The following PPM1L variants were observed in gnomAD, a reference collection of about 807,000 sequenced individuals.
PPM1L encodes the protein protein phosphatase, Mg2+/Mn2+ dependent 1L.
A neutral mutation model predicts 31.4 loss-of-function variants in PPM1L; 13 were observed. The ratio of observed to expected loss-of-function variants is 0.41; its 90% CI spans 0.27 to 0.66. The LOEUF (loss-of-function observed/expected upper bound fraction) is 0.66, where lower values mean the gene tolerates loss of function less well. Among genes scored for constraint, PPM1L ranks in the 30% least tolerant of loss-of-function variants. The pLI, the probability that PPM1L is intolerant of heterozygous loss-of-function variation, is 0.29. For synonymous variants in PPM1L, 184 were observed against 175.4 expected, an observed-to-expected ratio of 1.05 and a Z score of -0.39; for missense variants, 326 against 453.7, an observed-to-expected ratio of 0.72 and a Z score of 2.56.
Position 161,058,643 on chromosome 3 carries a change from G to C in PPM1L, c.575-6760G>C, listed in dbSNP as rs553335881. Among the ~76,000 whole-genome samples the C allele has an allele frequency of 4.6e-5, 7 of 152,128 alleles. No homozygotes were observed. In the East Asian group the frequency reaches 1.2e-3, roughly 25 times the overall value. On this transcript the variant is annotated intron_variant, in intron 2 of 3. Coordinates refer to ENST00000498165, the MANE Select transcript of PPM1L (RefSeq NM_139245.4). Reference sequence around the variant, plus strand: ...GGTGGGCGTGAAGGATAAGATATTTGAGGTTTCTGAGTCCCGTTTTCCTCA... The same window carrying C: ...GGTGGGCGTGAAGGATAAGATATTTCAGGTTTCTGAGTCCCGTTTTCCTCA...
chr3:161,030,301 A>G (rs1006353205), intron 2 of PPM1L, among the ~76,000 whole-genome samples: 9 of 152,154 alleles, frequency 5.9e-5, no homozygotes, highest in African/African-American at 1.7e-4. Context: ...ATGTAAGGAC[A>G]CAGCATTCAT....
chr3:160,816,261 TTGTGTGTGTG>T lies in PPM1L; in HGVS notation c.399+59577_399+59586del, dbSNP rs71147385. Among the ~76,000 whole-genome samples the T allele has an allele frequency of 3.9e-4, 58 of 147,982 alleles. No homozygotes were observed. In the South Asian group the frequency reaches 0.01, roughly 26 times the overall value. On this transcript the variant is annotated intron_variant, in intron 1 of 3. Coordinates refer to ENST00000498165, the MANE Select transcript of PPM1L (RefSeq NM_139245.4). ...CATTTGCAATCAAGAGCAGTTTCAT[TTGTGTGTGTG>T]TGTGTGTGTGTGTGTGTGTGTGAAA...
chr3:160,903,987 G>A (rs1374914914), intron 1 of PPM1L, among the ~76,000 whole-genome samples: 1 of 151,944 alleles, frequency 6.6e-6, no homozygotes, highest in Non-Finnish European at 1.5e-5. Context: ...GCAGGACCTT[G>A]TTTCCATTTT....
At chr3:160,933,341 G>A (rs561692543) in intron 1 of PPM1L, among the ~76,000 whole-genome samples, 5 of 151,654 alleles carry the variant, frequency 3.3e-5, no homozygotes, top group Non-Finnish European at 5.9e-5. Flanking sequence ...AAAAGTTTTT[G>A]AACTGTTCAC....
intron 1 of PPM1L, among the ~76,000 whole-genome samples, chr3:160,931,445 C>T (rs1346464608): frequency 6.6e-6 from 1 of 152,166 alleles, no homozygotes; most frequent in Non-Finnish European, 1.5e-5. Flanking sequence ...ACTATTTTTC[C>T]AAGGCACTAT....
Position 160,830,399 on chromosome 3 carries a change from A to G in PPM1L, c.399+73692A>G, listed in dbSNP as rs1227115914. Among the ~76,000 whole-genome samples, 9 of 152,312 alleles carry G rather than the reference A, an allele frequency of 5.9e-5. No individual in the cohort carries two copies. The East Asian group carries it at 1.7e-3, about 29-fold the overall frequency. ...AAATGTATTAGTAGCAGTGACAACT[A>G]GCATGCATCCTAGTGGAGTCATTTG... On this transcript the variant is annotated intron_variant, in intron 1 of 3. Coordinates refer to ENST00000498165, the MANE Select transcript of PPM1L (RefSeq NM_139245.4).
chr3:160,813,588 C>G (rs1001880705), intron 1 of PPM1L, among the ~76,000 whole-genome samples: 1 of 152,136 alleles, frequency 6.6e-6, no homozygotes, highest in Non-Finnish European at 1.5e-5. Context: ...GATCCACCTG[C>G]CTCAGCCACC....
At chr3:160,791,933 A>T (rs903154708) in intron 1 of PPM1L, among the ~76,000 whole-genome samples, 1 of 152,184 alleles carries the variant, frequency 6.6e-6, no homozygotes, top group Non-Finnish European at 1.5e-5. Flanking sequence ...TTTAGCCAAC[A>T]ACCAGATCTT....
chr3:161,005,353 A>G (rs1412327865), intron 2 of PPM1L, among the ~76,000 whole-genome samples: 3 of 152,234 alleles, frequency 2.0e-5, no homozygotes, highest in African/African-American at 4.8e-5. Flanking sequence ...TGAGTTATGT[A>G]TGAAGCCTAC....
chr3:160,759,429 T>C (rs913801025), intron 1 of PPM1L, among the ~76,000 whole-genome samples: 1 of 152,186 alleles, frequency 6.6e-6, no homozygotes, highest in Non-Finnish European at 1.5e-5. Context: ...CCTTTTTTTT[T>C]CTTTTAAGCT....
intron 1 of PPM1L, among the ~76,000 whole-genome samples, chr3:160,782,212 A>G (rs1168367606): frequency 2.0e-5 from 3 of 151,872 alleles, no homozygotes; most frequent in East Asian, 1.9e-4. Flanking sequence ...TCTCTATTAC[A>G]TAGGAGCCTG....
At chr3:160,989,825 G>A (rs1338765739) in intron 2 of PPM1L, among the ~76,000 whole-genome samples, 2 of 150,832 alleles carry the variant, frequency 1.3e-5, no homozygotes, top group African/African-American at 4.9e-5. Flanking sequence ...ATGCCCAGCT[G>A]ATTATTATTT....
At chr3:161,029,123 C>T (rs1423517405) in intron 2 of PPM1L, among the ~76,000 whole-genome samples, 4 of 152,106 alleles carry the variant, frequency 2.6e-5, no homozygotes, top group Non-Finnish European at 4.4e-5. Flanking sequence ...GTCTAATGGC[C>T]GCTCAAATAT....
At chr3:160,889,965 A>C (rs1284082121) in intron 1 of PPM1L, among the ~76,000 whole-genome samples, 1 of 152,036 alleles carries the variant, frequency 6.6e-6, no homozygotes, top group Non-Finnish European at 1.5e-5. Context: ...TCATGTTAAA[A>C]ACTCAAACTG....
At chr3:160,998,122 TA>T (rs1312318743) in intron 2 of PPM1L, among the ~76,000 whole-genome samples, 5 of 152,154 alleles carry the variant, frequency 3.3e-5, no homozygotes, top group African/African-American at 9.6e-5. Context: ...TCAAGACAAA[TA>T]ACATTACTGG....
rs1383227115 is a variant in PPM1L at position 161,073,633 on chromosome 3, G to A, written c.*4476G>A. 2 of 151,864 alleles carry A rather than the reference G, an allele frequency of 1.3e-5. No individual in the cohort carries two copies. Among genetic ancestry groups the A allele is most frequent in the Middle Eastern group, 6.8e-3 (2 of 294 alleles). The allele number at this position is 151,864 out of a possible 1,614,324, so 9.4% of individuals were successfully genotyped here. ...CTGGAATGCCGTGGCGCAATGTCAG[G>A]TCACTGCAAGCTCCGCCTCCCAGGT... is the stretch of plus-strand genomic sequence containing the variant. On this transcript the variant is annotated 3_prime_UTR_variant, in exon 4 of 4. Transcript: ENST00000498165.
intron 2 of PPM1L, among the ~76,000 whole-genome samples, chr3:161,031,460 T>C (rs1718560961): frequency 6.6e-6 from 1 of 151,928 alleles, no homozygotes; most frequent in South Asian, 2.1e-4. Context: ...TGTGACAGAA[T>C]AGCTCTTCTC....
intron 1 of PPM1L, among the ~76,000 whole-genome samples, chr3:160,959,846 A>AC (rs1715895703): frequency 6.6e-6 from 1 of 152,152 alleles, no homozygotes; most frequent in African/African-American, 2.4e-5. Context: ...AAAAATAAAA[A>AC]TAAAAAAATA....
At chr3:161,010,960 G>A (rs921058894) in intron 2 of PPM1L, among the ~76,000 whole-genome samples, 2 of 152,308 alleles carry the variant, frequency 1.3e-5, no homozygotes, top group East Asian at 3.9e-4. Flanking sequence ...CTCCCATTCT[G>A]TAGGTTGCCT....
Sources: gnomAD v4.1 joint callset for allele counts (sites outside exome capture counted in the v4.1 genomes callset) on GRCh38, gnomAD v4.1.1 for gene constraint, MANE v1.5 for transcripts, NCBI Gene and HGNC (gene_info 2026-07-23, HGNC 2026-07-21) for gene names.